The following SUPT3H variants were observed in gnomAD, a reference collection of about 807,000 sequenced individuals.
The protein encoded by SUPT3H is SPT3 homolog, SAGA and STAGA complex component, also known as transcription initiation protein SPT3 homolog.
Under a neutral mutation model 44.3 loss-of-function variants are expected in SUPT3H, and 44 were observed. That is an observed-to-expected ratio of 0.99 (90% CI 0.78 to 1.28). The LOEUF is 1.28. SUPT3H is among the 50% of genes most tolerant of loss of function. SUPT3H has a pLI of 0.00. For synonymous variants in SUPT3H, 124 were observed against 125.6 expected (o/e 0.99, Z 0.09); for missense variants, 380 against 387.1 (o/e 0.98, Z 0.15).
intron 10 of SUPT3H, among the ~76,000 whole-genome samples, chr6:44,879,289 C>G (rs1395505610): frequency 2.0e-5 from 3 of 152,208 alleles, no homozygotes; most frequent in Non-Finnish European, 4.4e-5. Flanking sequence ...GTTCCCCTCA[C>G]AGTGTAAGCA....
intron 3 of SUPT3H, among the ~76,000 whole-genome samples, chr6:45,076,307 A>G (rs1054733317): frequency 3.3e-5 from 5 of 152,166 alleles, no homozygotes; most frequent in African/African-American, 9.7e-5. Context: ...TGTGAATGGT[A>G]ATGTAATGCT....
chr6:44,916,684 C>A (rs1361045015), intron 10 of SUPT3H, among the ~76,000 whole-genome samples: 2 of 152,146 alleles, frequency 1.3e-5, no homozygotes, highest in Non-Finnish European at 2.9e-5. Context: ...CTTTGTGATT[C>A]TCTGAAGGGT....
intron 2 of SUPT3H, chr6:45,251,252 G>GT (rs2153652785): frequency 6.6e-6 from 1 of 152,272 alleles, no homozygotes; most frequent in East Asian, 1.9e-4. Flanking sequence ...GTATGTGTAT[G>GT]TATGTGTTCC....
intron 3 of SUPT3H, among the ~76,000 whole-genome samples, chr6:45,102,534 C>T (rs1402686141): frequency 1.3e-5 from 2 of 151,184 alleles, no homozygotes; most frequent in East Asian, 3.9e-4. Context: ...ATTAGACATG[C>T]AAAAAAAACC....
chr6:44,825,227 C>G (rs1767652894), downstream of SUPT3H, among the ~76,000 whole-genome samples: 1 of 152,126 alleles, frequency 6.6e-6, no homozygotes, highest in South Asian at 2.1e-4. Context: ...AGGCTTAAGA[C>G]ATTATTAAAA....
intron 2 of SUPT3H, among the ~76,000 whole-genome samples, chr6:45,140,336 C>T (rs981527464): frequency 4.6e-5 from 7 of 152,122 alleles, no homozygotes; most frequent in African/African-American, 1.4e-4. Flanking sequence ...TTTATGGCCC[C>T]ATCACCTGAG....
chr6:45,030,867 C>A (rs2153523620), intron 3 of SUPT3H, among the ~76,000 whole-genome samples: 1 of 152,242 alleles, frequency 6.6e-6, no homozygotes, highest in East Asian at 1.9e-4. Context: ...ATCTAAGAAC[C>A]TGATCCATGC....
intron 10 of SUPT3H, among the ~76,000 whole-genome samples, chr6:44,867,013 A>G (rs1775610565): frequency 6.6e-6 from 1 of 152,264 alleles, no homozygotes. Flanking sequence ...TTAACTGCAC[A>G]TGTAAAAATA....
chr6:44,869,437 C>A (rs960360941), intron 10 of SUPT3H, among the ~76,000 whole-genome samples: 1 of 152,124 alleles, frequency 6.6e-6, no homozygotes, highest in Non-Finnish European at 1.5e-5. Flanking sequence ...GAGATATAAA[C>A]CACTAAGAAA....
At chr6:45,094,682 A>AT (rs1018897512) in intron 3 of SUPT3H, among the ~76,000 whole-genome samples, 1 of 152,010 alleles carries the variant, frequency 6.6e-6, no homozygotes, top group African/African-American at 2.4e-5. Flanking sequence ...GTTACTTATT[A>AT]TTTTTTTAAA....
chr6:45,108,771 T>G (rs1463981152), intron 2 of SUPT3H, among the ~76,000 whole-genome samples: 1 of 152,076 alleles, frequency 6.6e-6, no homozygotes, highest in African/African-American at 2.4e-5. Flanking sequence ...ACCAGATCAA[T>G]ATAAGGATAA....
chr6:44,864,209 A>G (rs1775120103), intron 10 of SUPT3H, among the ~76,000 whole-genome samples: 1 of 152,234 alleles, frequency 6.6e-6, no homozygotes, highest in African/African-American at 2.4e-5. Flanking sequence ...AGCCTGTAAA[A>G]TCAAAAGCAA....
At chr6:45,215,594 G>GA (rs562742120) in intron 2 of SUPT3H, among the ~76,000 whole-genome samples, 2 of 150,920 alleles carry the variant, frequency 1.3e-5, no homozygotes, top group African/African-American at 4.9e-5. Flanking sequence ...TGAAGCAGAA[G>GA]AAAAAAAATC....
At chr6:44,884,569 A>C (rs1778816697) in intron 10 of SUPT3H, among the ~76,000 whole-genome samples, 1 of 152,210 alleles carries the variant, frequency 6.6e-6, no homozygotes, top group African/African-American at 2.4e-5. Flanking sequence ...TCACAATAGC[A>C]AAGACTTGGA....
chr6:44,910,484 G>A (rs553101778), intron 10 of SUPT3H, among the ~76,000 whole-genome samples: 3 of 152,050 alleles, frequency 2.0e-5, no homozygotes, highest in Admixed American at 6.5e-5. Flanking sequence ...TGGGATTTAA[G>A]TAACTTTTCC....
At chr6:44,946,344 T>C (rs1773340344) in intron 9 of SUPT3H, among the ~76,000 whole-genome samples, 1 of 152,220 alleles carries the variant, frequency 6.6e-6, no homozygotes, top group African/African-American at 2.4e-5. Flanking sequence ...AAGAAATATA[T>C]TTCATAAGAC....
At chr6:45,111,800 A>G (rs1351955724) in intron 2 of SUPT3H, among the ~76,000 whole-genome samples, 2 of 151,396 alleles carry the variant, frequency 1.3e-5, no homozygotes, top group East Asian at 3.9e-4. Flanking sequence ...CGGCCCCCCC[A>G]CCCCCACTCA....
chr6:45,090,365 C>A (rs1039503787), intron 3 of SUPT3H, among the ~76,000 whole-genome samples: 2 of 152,000 alleles, frequency 1.3e-5, no homozygotes, highest in African/African-American at 4.8e-5. Context: ...TAACTTCATT[C>A]TTGTCTTATA....
chr6:45,047,191 TTTC>T (rs1373358523), intron 3 of SUPT3H, among the ~76,000 whole-genome samples: 2 of 152,210 alleles, frequency 1.3e-5, no homozygotes, highest in Non-Finnish European at 2.9e-5. Context: ...CTATGGCTTT[TTTC>T]TTATTGTTCC....
Sources: gnomAD v4.1 joint callset for allele counts (sites outside exome capture counted in the v4.1 genomes callset) on GRCh38, gnomAD v4.1.1 for gene constraint, MANE v1.5 for transcripts, NCBI Gene and HGNC (gene_info 2026-07-23, HGNC 2026-07-21) for gene names.